KAZN: variants seen among roughly 807,000 people sequenced by gnomAD.
KAZN encodes kazrin.
Under a neutral mutation model 87.4 loss-of-function variants are expected in KAZN, and 40 were observed. The observed-to-expected ratio is 0.46, with a 90% CI of 0.36 to 0.60. The LOEUF (loss-of-function observed/expected upper bound fraction) is 0.60, where lower values mean the gene tolerates loss of function less well. Among genes scored for constraint, KAZN ranks in the 20% least tolerant of loss-of-function variants. The probability of loss-of-function intolerance (pLI) is 0.00; values close to 1 mark genes in which losing one functional copy is unlikely to be tolerated. For synonymous variants in KAZN, 466 were observed against 458.3 expected, an observed-to-expected ratio of 1.02 and a Z score of -0.22; for missense variants, 898 against 1,073.9, an observed-to-expected ratio of 0.84 and a Z score of 2.29.
intron 1 of KAZN, among the ~76,000 whole-genome samples, chr1:14,641,729 G>A (rs756750372): frequency 2.6e-5 from 4 of 152,192 alleles, no homozygotes; most frequent in Non-Finnish European, 5.9e-5. Flanking sequence ...CGAGAAAGGC[G>A]AGGTGTGGCC....
chr1:13,960,788 G>A (rs1004390466), intron 1 of KAZN, among the ~76,000 whole-genome samples: 2 of 152,152 alleles, frequency 1.3e-5, no homozygotes, highest in African/African-American at 4.8e-5. Context: ...CTGTGCTCCT[G>A]TGTTCTGTCC....
intron 1 of KAZN, among the ~76,000 whole-genome samples, chr1:14,138,422 T>G: frequency 6.6e-6 from 1 of 152,076 alleles, no homozygotes; most frequent in Non-Finnish European, 1.5e-5. Context: ...TTAAGAAAGT[T>G]CCCTGGAAGT....
intron 1 of KAZN, among the ~76,000 whole-genome samples, chr1:13,981,087 C>CCATATATATATATATATATATA (rs1553181073): frequency 1.2e-4 from 1 of 8,300 alleles, no homozygotes; most frequent in African/African-American, 4.9e-4. Context: ...AAAAATTACT[C>CCATATATATATATATATATATA]TTTATATATA....
intron 1 of KAZN, among the ~76,000 whole-genome samples, chr1:14,795,332 A>G (rs1645798100): frequency 6.6e-6 from 1 of 152,310 alleles, no homozygotes. Flanking sequence ...TGGACTCCAC[A>G]GAGAGCACAA....
intron 1 of KAZN, among the ~76,000 whole-genome samples, chr1:14,751,387 C>T (rs1644408308): frequency 6.6e-6 from 1 of 152,222 alleles, no homozygotes; most frequent in Non-Finnish European, 1.5e-5. Flanking sequence ...TTCTACCCTT[C>T]TTTCATCACC....
intron 2 of KAZN, among the ~76,000 whole-genome samples, chr1:14,583,923 TG>T (rs1191757135): frequency 7.2e-5 from 11 of 152,134 alleles, no homozygotes; most frequent in African/African-American, 2.7e-4. Flanking sequence ...AAGTCAAGGC[TG>T]GATGGAAGCC....
At chr1:14,668,084 G>T (rs970866785) in intron 1 of KAZN, among the ~76,000 whole-genome samples, 1 of 152,150 alleles carries the variant, frequency 6.6e-6, no homozygotes, top group African/African-American at 2.4e-5. Flanking sequence ...TGCTATGATT[G>T]TATGGCCCCA....
chr1:15,045,184 G>A (rs1673348356), intron 4 of KAZN, among the ~76,000 whole-genome samples: 1 of 152,174 alleles, frequency 6.6e-6, no homozygotes, highest in African/African-American at 2.4e-5. Flanking sequence ...TCCCCACAGG[G>A]TGGCTGGGCA....
chr1:14,892,329 C>T (rs1337161785), intron 1 of KAZN, among the ~76,000 whole-genome samples: 1 of 152,178 alleles, frequency 6.6e-6, no homozygotes, highest in Non-Finnish European at 1.5e-5. Context: ...CCCTCCTGTG[C>T]CTTCATTATG....
chr1:14,986,205 C>T (rs955731900), intron 2 of KAZN, among the ~76,000 whole-genome samples: 5 of 151,868 alleles, frequency 3.3e-5, no homozygotes, highest in African/African-American at 1.2e-4. Flanking sequence ...GACCTGCGTT[C>T]GATGATATTA....
intron 1 of KAZN, among the ~76,000 whole-genome samples, chr1:14,011,003 C>T (rs562726402): frequency 6.6e-6 from 1 of 152,142 alleles, no homozygotes; most frequent in East Asian, 1.9e-4. Flanking sequence ...CCTATTTCCT[C>T]TCCTTACCTC....
chr1:15,003,506 A>T (rs1668708256), intron 2 of KAZN, among the ~76,000 whole-genome samples: 1 of 152,214 alleles, frequency 6.6e-6, no homozygotes, highest in South Asian at 2.1e-4. Context: ...ATCTCAGTAA[A>T]GCTGTTTTTT....
At chr1:14,511,981 T>G (rs1670930514) in intron 2 of KAZN, among the ~76,000 whole-genome samples, 1 of 152,060 alleles carries the variant, frequency 6.6e-6, no homozygotes, top group Non-Finnish European at 1.5e-5. Context: ...CATGGAAGAA[T>G]TTTTCAGGGG....
chr1:14,526,642 C>T (rs992147813), intron 2 of KAZN, among the ~76,000 whole-genome samples: 2 of 152,198 alleles, frequency 1.3e-5, no homozygotes, highest in Non-Finnish European at 2.9e-5. Flanking sequence ...TGACTTCAGC[C>T]ATTTTCCAGT....
intron 1 of KAZN, among the ~76,000 whole-genome samples, chr1:14,770,635 C>A (rs1367967703): frequency 6.6e-6 from 1 of 152,076 alleles, no homozygotes; most frequent in Non-Finnish European, 1.5e-5. Flanking sequence ...GGATTGGGGG[C>A]TGGAGAAACA....
chr1:14,201,506 C>T (rs1646639235), intron 2 of KAZN, among the ~76,000 whole-genome samples: 1 of 152,200 alleles, frequency 6.6e-6, no homozygotes, highest in African/African-American at 2.4e-5. Context: ...CCTACCCCCA[C>T]TTTCATTCCC....
At chr1:14,308,485 A>G (rs1054829224) in intron 2 of KAZN, among the ~76,000 whole-genome samples, 1 of 152,266 alleles carries the variant, frequency 6.6e-6, no homozygotes. Flanking sequence ...AAAGTTATAT[A>G]GAAGTTTCAT....
chr1:14,426,447 A>G (rs1253001577), intron 2 of KAZN, among the ~76,000 whole-genome samples: 3 of 152,200 alleles, frequency 2.0e-5, no homozygotes, highest in African/African-American at 7.2e-5. Context: ...GTTAATTCAT[A>G]ACTCTATGCC....
chr1:15,034,848 T>C lies in KAZN; in HGVS notation c.518T>C (p.Leu173Pro). 1.9e-6 allele frequency: 3 copies of C among 1,613,864 alleles called. No homozygotes were observed. The highest frequency in any genetic ancestry group is 2.5e-6 in the Non-Finnish European group (3 of 1,179,938). Residue 173 changes from leucine (L) to proline (P), a missense_variant, in exon 3 of 15, where the codon CTC becomes CCC. By Grantham distance (98) the Leu-to-Pro change is moderately conservative. Coordinates refer to ENST00000376030, the MANE Select transcript of KAZN (RefSeq NM_201628.3). ...ACACTGGAGAGCCGCGAGGAGCAGC[T>C]CCGAGACTTCATCCGCAACTATGAG... The part of the protein sequence containing the change: ...YATLESREEQ[L>P]RDFIRNYEQH...
Sources: allele counts gnomAD v4.1 joint callset (sites outside exome capture counted in the v4.1 genomes callset), GRCh38; gene constraint gnomAD v4.1.1; transcripts MANE v1.5; gene names NCBI Gene and HGNC (gene_info 2026-07-23, HGNC 2026-07-21).